Variants in CCDC15 observed in about 807,000 individuals in gnomAD.
CCDC15 encodes coiled-coil domain containing 15.
In CCDC15, 105 loss-of-function variants were observed where a neutral mutation model predicts 114.5. The observed-to-expected ratio is 0.92, with a 90% CI of 0.78 to 1.08. The LOEUF is 1.08. Among genes scored for constraint, CCDC15 ranks in the 50% least tolerant of loss-of-function variants. CCDC15 has a pLI of 0.00. For synonymous variants in CCDC15, 334 were observed against 377.8 expected (o/e 0.88, Z 1.34); for missense variants, 1,105 against 1,093.6 (o/e 1.01, Z -0.15).
In CCDC15 at chr11:125,003,944, A is replaced by G. The variant is rs1371812343; in HGVS notation, c.2292A>G (p.Glu764=). The G allele has an allele frequency of 3.3e-6, 5 of 1,536,036 alleles. No homozygotes were observed. Among genetic ancestry groups the G allele is most frequent in the African/African-American group, 1.4e-5 (1 of 70,528 alleles). The change falls in exon 12 of 16, where the codon GAA becomes GAG. Residue 764 remains glutamate, a synonymous_variant. Coordinates refer to ENST00000344762, the MANE Select transcript of CCDC15 (RefSeq NM_025004.3). ...PLAFQSDVDK[E]EDKKERQKQY... is the part of the protein sequence containing the mutation. ...CATTTCAGTCTGACGTGGATAAAGA[A>G]GAAGATAAGAAAGAGGTATGTAATG...
At chr11:125,007,620 A>G (rs1365714258) in intron 13 of CCDC15, among the ~76,000 whole-genome samples, 1 of 151,944 alleles carries the variant, frequency 6.6e-6, no homozygotes, top group Non-Finnish European at 1.5e-5. Flanking sequence ...GATCATCTGG[A>G]AGTTCTGTTT....
At chr11:124,962,263 A>T (rs555705966) in intron 4 of CCDC15, among the ~76,000 whole-genome samples, 1 of 152,232 alleles carries the variant, frequency 6.6e-6, no homozygotes, top group Non-Finnish European at 1.5e-5. Context: ...AATGGTACAC[A>T]TAATTCACTT....
intron 6 of CCDC15, among the ~76,000 whole-genome samples, chr11:124,984,571 C>A (rs1948126553): frequency 6.6e-6 from 1 of 152,128 alleles, no homozygotes; most frequent in Admixed American, 6.5e-5. Context: ...ACTCCTTTAC[C>A]AAACCCTCTA....
chr11:125,002,579 T>C (rs1328117417), intron 11 of CCDC15, among the ~76,000 whole-genome samples: 2 of 152,248 alleles, frequency 1.3e-5, no homozygotes, highest in East Asian at 3.9e-4. Flanking sequence ...TTGTGTGTAG[T>C]GTTAGGGAGC....
At chr11:125,019,244 A>G (rs1453712308) in intron 13 of CCDC15, among the ~76,000 whole-genome samples, 2 of 152,030 alleles carry the variant, frequency 1.3e-5, no homozygotes, top group African/African-American at 4.8e-5. Flanking sequence ...CTGTGTGTCA[A>G]GCACTTCGCA....
At chr11:124,968,111 G>A (rs1947815450) in intron 4 of CCDC15, among the ~76,000 whole-genome samples, 1 of 152,216 alleles carries the variant, frequency 6.6e-6, no homozygotes, top group African/African-American at 2.4e-5. Context: ...AGGAGGGTCA[G>A]GAACCCACTT....
At chr11:125,026,788 C>T (rs1012982826) in intron 13 of CCDC15, among the ~76,000 whole-genome samples, 18 of 151,954 alleles carry the variant, frequency 1.2e-4, no homozygotes, top group African/African-American at 4.4e-4. Context: ...TTTTTGGTTA[C>T]ATGGATAAAT....
intron 14 of CCDC15, 50 bp from the exon 15 acceptor site, chr11:125,038,871 C>T (rs1331728197): frequency 2.6e-6 from 4 of 1,562,398 alleles, no homozygotes; most frequent in South Asian, 1.2e-5. Flanking sequence ...GATTCATACT[C>T]ACTTTCTTTT....
At chr11:125,002,990 G>A (rs1244665907) in intron 11 of CCDC15, among the ~76,000 whole-genome samples, 1 of 152,032 alleles carries the variant, frequency 6.6e-6, no homozygotes, top group Non-Finnish European at 1.5e-5. Context: ...GGGGAATGCT[G>A]CCATCTTAAC....
At chr11:125,037,475 A>G (rs1387243197) in intron 13 of CCDC15, 2 of 152,162 alleles carry the variant, frequency 1.3e-5, no homozygotes, top group African/African-American at 4.8e-5. Flanking sequence ...CTCTCTGTTC[A>G]TTTCTGGGGT....
At chr11:124,988,711 A>G (rs1247289253) in intron 8 of CCDC15, among the ~76,000 whole-genome samples, 2 of 152,212 alleles carry the variant, frequency 1.3e-5, no homozygotes, top group Non-Finnish European at 2.9e-5. Context: ...AGTCCGTGTA[A>G]TATTCTAAAC....
chr11:124,993,007 A>G, intron 10 of CCDC15, among the ~76,000 whole-genome samples, 162 bp from the exon 11 acceptor site: 1 of 151,962 alleles, frequency 6.6e-6, no homozygotes, highest in Non-Finnish European at 1.5e-5. Flanking sequence ...ACTTTGATGC[A>G]AGTTTGGAAA....
rs765860741 is a variant in CCDC15, at chr11:124,961,661, TG to T, written c.516+1662del. Among the ~76,000 whole-genome samples, 114 of 152,208 alleles carry T rather than the reference TG, an allele frequency of 7.5e-4. 1 individual carries two copies. The highest frequency in any genetic ancestry group is 1.4e-3 in the Non-Finnish European group (93 of 68,002). ...CTCCTGCCTCAGCCTCCTGAGTAGC[TG>T]GGGTAGGTGCCTGCCACCATGACTG... On this transcript the variant is annotated intron_variant, in intron 4 of 15. Transcript: ENST00000344762.
chr11:124,975,570 AAGAC>A (rs1312640979), intron 5 of CCDC15, among the ~76,000 whole-genome samples: 7 of 152,302 alleles, frequency 4.6e-5, no homozygotes, highest in Admixed American at 1.3e-4. Context: ...TAGTGGTGAA[AAGAC>A]AGACAAAGAT....
chr11:124,968,850 A>T (rs945387403), intron 4 of CCDC15, among the ~76,000 whole-genome samples: 1 of 152,026 alleles, frequency 6.6e-6, no homozygotes, highest in African/African-American at 2.4e-5. Flanking sequence ...CTGCCACAAC[A>T]CCTCCACTAT....
At chr11:125,018,447 CT>C (rs35287344) in intron 13 of CCDC15, among the ~76,000 whole-genome samples, 9,577 of 151,998 alleles carry the variant, frequency 0.063, 362 homozygotes, top group African/African-American at 0.1. Flanking sequence ...AAGAATATAT[CT>C]CCATAATTGG....
intron 6 of CCDC15, among the ~76,000 whole-genome samples, chr11:124,980,076 A>G (rs1300652594): frequency 1.3e-5 from 2 of 152,122 alleles, no homozygotes; most frequent in African/African-American, 4.8e-5. Flanking sequence ...GTGAATCACA[A>G]TTAATGATTT....
chr11:124,995,696 G>A (rs572999367), intron 11 of CCDC15, among the ~76,000 whole-genome samples: 3 of 152,220 alleles, frequency 2.0e-5, no homozygotes, highest in Admixed American at 6.5e-5. Flanking sequence ...GAGGACGCAT[G>A]GGGCATTCAC....
intron 11 of CCDC15, among the ~76,000 whole-genome samples, chr11:124,994,533 C>T (rs1362266958): frequency 6.6e-6 from 1 of 151,952 alleles, no homozygotes; most frequent in East Asian, 1.9e-4. Flanking sequence ...TTTCTGATGG[C>T]CATTGTCTTT....
Sources: gnomAD v4.1 joint callset for allele counts (sites outside exome capture counted in the v4.1 genomes callset) on GRCh38, gnomAD v4.1.1 for gene constraint, MANE v1.5 for transcripts, NCBI Gene and HGNC (gene_info 2026-07-23, HGNC 2026-07-21) for gene names.